SGCD: variants seen among roughly 807,000 people sequenced by gnomAD.
SGCD encodes the protein delta-sarcoglycan.
A neutral mutation model predicts 36.6 loss-of-function variants in SGCD; 18 were observed. The observed-to-expected ratio is 0.49, with a 90% CI of 0.34 to 0.73. The LOEUF (loss-of-function observed/expected upper bound fraction) is 0.73. Ranked by LOEUF, SGCD falls within the 30% of genes least tolerant of loss-of-function variation. SGCD has a pLI of 0.01. For missense variants in SGCD, 387 were observed against 346.7 expected (o/e 1.12, Z -0.92); for synonymous variants, 133 against 130.6 (o/e 1.02, Z -0.12).
At chr5:155,928,005 A>C (rs1054539839) in intron 1 of SGCD, among the ~76,000 whole-genome samples, 1 of 152,238 alleles carries the variant, frequency 6.6e-6, no homozygotes, top group African/African-American at 2.4e-5. Context: ...AGGCGTGCTC[A>C]TGGGAAAACG....
chr5:155,961,988 C>G (rs543706837), intron 1 of SGCD, among the ~76,000 whole-genome samples: 3 of 152,172 alleles, frequency 2.0e-5, no homozygotes, highest in African/African-American at 7.2e-5. Flanking sequence ...CTAATGATAA[C>G]TACAAATAAT....
chr5:156,100,446 G>A (rs1415564873), intron 1 of SGCD, among the ~76,000 whole-genome samples: 3 of 152,198 alleles, frequency 2.0e-5, no homozygotes, highest in Non-Finnish European at 4.4e-5. Context: ...TGCATTGCAT[G>A]TATGTGTATG....
intron 7 of SGCD, among the ~76,000 whole-genome samples, chr5:156,697,202 G>A (rs1754354287): frequency 6.6e-6 from 1 of 152,024 alleles, no homozygotes; most frequent in East Asian, 1.9e-4. Context: ...AATATAATGA[G>A]TCACTGAATT....
intron 3 of SGCD, among the ~76,000 whole-genome samples, chr5:156,489,882 TAAATA>T (rs911458182): frequency 6.6e-6 from 1 of 151,222 alleles, no homozygotes; most frequent in African/African-American, 2.4e-5. Flanking sequence ...ACAATAGAAC[TAAATA>T]AAATAGAAAC....
intron 7 of SGCD, among the ~76,000 whole-genome samples, chr5:156,695,078 G>C (rs1469778334): frequency 6.6e-6 from 1 of 151,840 alleles, no homozygotes; most frequent in East Asian, 1.9e-4. Context: ...ACAGAGGGGA[G>C]AGTGCCATGT....
At chr5:156,354,745 G>T (rs891076210) in intron 3 of SGCD, among the ~76,000 whole-genome samples, 6 of 152,134 alleles carry the variant, frequency 3.9e-5, no homozygotes, top group Admixed American at 6.5e-5. Flanking sequence ...ACATCACAAG[G>T]ATCTGTTCAT....
chr5:156,089,022 C>T (rs934048301), intron 1 of SGCD, among the ~76,000 whole-genome samples: 2 of 152,120 alleles, frequency 1.3e-5, no homozygotes, highest in African/African-American at 4.8e-5. Context: ...ACTTTAATGG[C>T]ACCTTGTCCC....
chr5:156,487,063 C>G (rs916310921), intron 3 of SGCD, among the ~76,000 whole-genome samples: 3 of 152,182 alleles, frequency 2.0e-5, no homozygotes, highest in African/African-American at 7.2e-5. Flanking sequence ...CTCATACTCA[C>G]TACCACCAGA....
At chr5:156,114,133 A>G (rs1344558498) in intron 1 of SGCD, among the ~76,000 whole-genome samples, 1 of 152,124 alleles carries the variant, frequency 6.6e-6, no homozygotes, top group East Asian at 1.9e-4. Flanking sequence ...AATGAACCCT[A>G]ATGTAAATTA....
At chr5:155,989,718 A>C (rs923117132) in intron 1 of SGCD, among the ~76,000 whole-genome samples, 1 of 152,196 alleles carries the variant, frequency 6.6e-6, no homozygotes, top group Admixed American at 6.5e-5. Flanking sequence ...TAAAATGTAA[A>C]TGTCCTTAGT....
the SGCD span, among the ~76,000 whole-genome samples, chr5:155,733,494 G>C: frequency 2.6e-5 from 4 of 152,190 alleles, no homozygotes; most frequent in African/African-American, 9.6e-5. Flanking sequence ...TCTTATTCAA[G>C]GGTGGTAATT....
intron 3 of SGCD, among the ~76,000 whole-genome samples, chr5:156,467,871 A>G (rs1581036321): frequency 6.6e-6 from 1 of 152,190 alleles, no homozygotes; most frequent in Non-Finnish European, 1.5e-5. Context: ...TCAACTTTGG[A>G]CTAAGGAACA....
chr5:155,833,072 GAAAA>G, the SGCD span, among the ~76,000 whole-genome samples: 2 of 135,202 alleles, frequency 1.5e-5, no homozygotes, highest in Non-Finnish European at 3.1e-5. Context: ...AAAAAAAAAA[GAAAA>G]AAAATTAGCC....
rs1273176823 is a variant in SGCD at position 156,759,981 on chromosome 5, G to T, written c.*591G>T. On this transcript the variant is annotated 3_prime_UTR_variant, in exon 9 of 9. Transcript: ENST00000337851. The stretch of plus-strand genomic sequence containing the variant: ...AAGTCAGCCGTAGGAATTCAAAATG[G>T]CTGGCCTACCTTGGCTACCAGACAT... 1 of 152,118 alleles carries T rather than the reference G, an allele frequency of 6.6e-6. No homozygotes were observed. The allele number at this position is 152,118 out of a possible 1,614,324, so 9.4% of individuals were successfully genotyped here.
the SGCD span, among the ~76,000 whole-genome samples, chr5:155,838,226 T>G: frequency 2.6e-5 from 4 of 152,294 alleles, no homozygotes; most frequent in African/African-American, 9.6e-5. Context: ...TATTAACATA[T>G]ATTAATATTA....
At chr5:156,333,460 ATTG>A (rs1366690759) in intron 2 of SGCD, among the ~76,000 whole-genome samples, 1 of 152,144 alleles carries the variant, frequency 6.6e-6, no homozygotes, top group African/African-American at 2.4e-5. Flanking sequence ...TCACAAAAAT[ATTG>A]TTTTTATTAG....
intron 3 of SGCD, among the ~76,000 whole-genome samples, chr5:156,473,277 C>T (rs367925868): frequency 6.6e-6 from 1 of 152,218 alleles, no homozygotes; most frequent in Non-Finnish European, 1.5e-5. Context: ...GAACCCTATA[C>T]AGATGCTCCT....
intron 6 of SGCD, among the ~76,000 whole-genome samples, chr5:156,647,131 T>C (rs905275417): frequency 1.3e-5 from 2 of 152,136 alleles, no homozygotes; most frequent in Non-Finnish European, 1.5e-5. Flanking sequence ...ACATTTCCGG[T>C]TGGGTGACTA....
At chr5:156,751,407 G>A (rs1296767767) in intron 7 of SGCD, among the ~76,000 whole-genome samples, 3 of 151,262 alleles carry the variant, frequency 2.0e-5, no homozygotes, top group Non-Finnish European at 4.4e-5. Context: ...GTGTAGGGAA[G>A]GATTGCTCAG....
Sources: gnomAD v4.1 joint callset for allele counts (sites outside exome capture counted in the v4.1 genomes callset) on GRCh38, gnomAD v4.1.1 for gene constraint, MANE v1.5 for transcripts, NCBI Gene and HGNC (gene_info 2026-07-23, HGNC 2026-07-21) for gene names.